Variants in SORCS1 observed in about 807,000 individuals in gnomAD.
The protein encoded by SORCS1 is sortilin related VPS10 domain containing receptor 1.
In SORCS1, 60 loss-of-function variants were observed where a neutral mutation model predicts 146.1. The ratio of observed to expected loss-of-function variants is 0.41; its 90% CI spans 0.33 to 0.51. SORCS1 has a LOEUF of 0.51. SORCS1 is among the 20% of genes least tolerant of loss of function. The probability of loss-of-function intolerance (pLI) is 0.21; values close to 1 mark genes in which losing one functional copy is unlikely to be tolerated. For synonymous variants in SORCS1, 637 were observed against 584.0 expected (o/e 1.09, Z -1.31); for missense variants, 1,352 against 1,487.6 (o/e 0.91, Z 1.50).
chr10:106,843,777 T>C (rs912304542), intron 2 of SORCS1, among the ~76,000 whole-genome samples: 1 of 152,200 alleles, frequency 6.6e-6, no homozygotes, highest in African/African-American at 2.4e-5. Context: ...CTACTGTATA[T>C]ATAATACATT....
intron 1 of SORCS1, among the ~76,000 whole-genome samples, chr10:107,059,456 ATCTCTGGTTGAGACAAAGGC>A (rs147614353): frequency 0.01 from 1,584 of 152,356 alleles, 14 homozygotes; most frequent in South Asian, 0.028. Context: ...TAAAGGCATT[ATCTCTGGTTGAGACAAAGGC>A]TCTATGCTGC....
chr10:106,773,166 T>A (rs1331916151), intron 4 of SORCS1, among the ~76,000 whole-genome samples: 1 of 152,238 alleles, frequency 6.6e-6, no homozygotes, highest in African/African-American at 2.4e-5. Flanking sequence ...AGATCCTAGC[T>A]GGGAGATCTG....
chr10:106,892,527 T>G (rs1433471404), intron 2 of SORCS1, among the ~76,000 whole-genome samples: 4 of 152,220 alleles, frequency 2.6e-5, no homozygotes, highest in Non-Finnish European at 5.9e-5. Flanking sequence ...AATAACAAAG[T>G]TGTACATACA....
intron 2 of SORCS1, among the ~76,000 whole-genome samples, chr10:106,915,662 T>C (rs1009206294): frequency 6.6e-6 from 1 of 152,178 alleles, no homozygotes; most frequent in Non-Finnish European, 1.5e-5. Context: ...GCATGATATA[T>C]TTGGGGAACA....
At position 106,972,380 on chromosome 10, in the gene SORCS1, C is replaced by CAAA. The variant is rs35202189; in HGVS notation, c.559-15803_559-15801dup. ...TGGGTGACAGAGCGAGACTCTGTCT[C>CAAA]AAAAAAAAAAAAAAAAAAAATTAGA... On this transcript the variant is annotated intron_variant, in intron 1 of 25. Coordinates refer to ENST00000263054, the MANE Select transcript of SORCS1 (RefSeq NM_052918.5). Among the ~76,000 whole-genome samples the CAAA allele has an allele frequency of 5.6e-3, 526 of 94,122 alleles. 8 individuals are homozygous for CAAA. Among genetic ancestry groups the CAAA allele is most frequent in the African/African-American group, 0.018 (489 of 27,040 alleles). 61.7% of individuals were successfully genotyped at this position (94,122 alleles called of 152,430 possible). A position where few individuals can be genotyped will look rare whatever the true frequency, so the allele number is the denominator to read the frequency against.
At chr10:107,026,575 G>A (rs530289318) in intron 1 of SORCS1, among the ~76,000 whole-genome samples, 38 of 150,516 alleles carry the variant, frequency 2.5e-4, no homozygotes, top group South Asian at 1.0e-3. Context: ...CCGAGATTGC[G>A]CCACCACACT....
At chr10:107,179,904 C>CTTT in the SORCS1 span, among the ~76,000 whole-genome samples, 625 of 51,290 alleles carry the variant, frequency 0.012, 189 homozygotes, top group Middle Eastern at 0.031. Context: ...ACAAAACAGA[C>CTTT]TTTTTTTTTT....
intron 18 of SORCS1, among the ~76,000 whole-genome samples, chr10:106,641,601 T>G (rs890487769): frequency 2.0e-5 from 3 of 152,210 alleles, no homozygotes; most frequent in Non-Finnish European, 4.4e-5. Flanking sequence ...CAGTTTTATC[T>G]CTATGCTTCT....
chr10:106,735,559 A>G (rs1385296310), intron 5 of SORCS1, among the ~76,000 whole-genome samples: 2 of 152,204 alleles, frequency 1.3e-5, no homozygotes, highest in African/African-American at 2.4e-5. Flanking sequence ...AATAGGATCA[A>G]TGGACAGAAG....
chr10:106,793,197 A>G (rs780243142), intron 3 of SORCS1, among the ~76,000 whole-genome samples: 1 of 152,232 alleles, frequency 6.6e-6, no homozygotes, highest in Non-Finnish European at 1.5e-5. Flanking sequence ...TATTGCTGGA[A>G]TAAGAGATGT....
At chr10:106,851,891 TCTC>T (rs138928955) in intron 2 of SORCS1, among the ~76,000 whole-genome samples, 2,573 of 152,344 alleles carry the variant, frequency 0.017, 38 homozygotes, top group South Asian at 0.066. Context: ...GCTTCATAGT[TCTC>T]CTCATACAGA....
At chr10:107,118,734 A>AT (rs1275378405) in intron 1 of SORCS1, among the ~76,000 whole-genome samples, 5 of 152,056 alleles carry the variant, frequency 3.3e-5, no homozygotes, top group African/African-American at 1.2e-4. Context: ...TAGTAACTAC[A>AT]TTTTTTTCTT....
At position 106,960,741 on chromosome 10, in the gene SORCS1, A is replaced by C. The variant is rs950936180; in HGVS notation, c.559-4161T>G. On this transcript the variant is annotated intron_variant, in intron 1 of 25. Coordinates refer to ENST00000263054, the MANE Select transcript of SORCS1 (RefSeq NM_052918.5). This position sits in a 1 kb window ranked among gnomAD's most constrained non-coding sequence, Gnocchi z 4.4. ...AGAGGATGCCAGTGCCCACTCACCAAGCTGCTGTTCTCAAATCACCCATTC... is the reference window on the plus strand; with the variant it reads ...AGAGGATGCCAGTGCCCACTCACCACGCTGCTGTTCTCAAATCACCCATTC... Among the ~76,000 whole-genome samples, 2 of 152,124 alleles carry C rather than the reference A, an allele frequency of 1.3e-5. No homozygotes were observed. The highest frequency in any genetic ancestry group is 2.9e-5 in the Non-Finnish European group (2 of 68,020).
chr10:106,792,197 C>T (rs1427937104), intron 3 of SORCS1, among the ~76,000 whole-genome samples: 2 of 152,190 alleles, frequency 1.3e-5, no homozygotes, highest in Admixed American at 6.5e-5. Context: ...ATTTCAAGCT[C>T]GAAGACAATT....
At chr10:106,695,434 A>G (rs1289913699) in intron 9 of SORCS1, among the ~76,000 whole-genome samples, 1 of 152,216 alleles carries the variant, frequency 6.6e-6, no homozygotes, top group Non-Finnish European at 1.5e-5. Context: ...ATACAAGCCC[A>G]GATGCTGATC....
intron 4 of SORCS1, among the ~76,000 whole-genome samples, chr10:106,773,982 C>T (rs574993640): frequency 1.3e-5 from 2 of 152,030 alleles, no homozygotes; most frequent in Non-Finnish European, 2.9e-5. Context: ...TATCAAACGT[C>T]AGGTAGCCCC....
At chr10:106,690,602 C>A (rs1215864668) in intron 9 of SORCS1, among the ~76,000 whole-genome samples, 1 of 152,312 alleles carries the variant, frequency 6.6e-6, no homozygotes, top group South Asian at 2.1e-4. Context: ...TCATCTCTGG[C>A]AGCTTGGCCT....
chr10:106,687,732 T>G (rs987871214), intron 10 of SORCS1, among the ~76,000 whole-genome samples: 1 of 152,200 alleles, frequency 6.6e-6, no homozygotes, highest in African/African-American at 2.4e-5. Context: ...CTTACCTTTT[T>G]TGAGTCATAA....
chr10:106,792,981 A>AT (rs1232982143), intron 3 of SORCS1, among the ~76,000 whole-genome samples: 2 of 152,034 alleles, frequency 1.3e-5, no homozygotes, highest in Non-Finnish European at 2.9e-5. Flanking sequence ...CATTCATTTC[A>AT]TTTTTTTTAA....
Sources: allele counts gnomAD v4.1 joint callset (sites outside exome capture counted in the v4.1 genomes callset), GRCh38; gene constraint gnomAD v4.1.1; non-coding constraint Gnocchi (gnomAD v3.1); transcripts MANE v1.5; gene names NCBI Gene and HGNC (gene_info 2026-07-23, HGNC 2026-07-21).